The following PLXDC1 variants were observed in gnomAD, a reference collection of about 807,000 sequenced individuals.
PLXDC1 encodes plexin domain containing 1.
PLXDC1 carries 39 observed loss-of-function variants against 61.3 expected under a neutral mutation model. The observed-to-expected ratio is 0.64, with a 90% CI of 0.49 to 0.83. The LOEUF is 0.83. PLXDC1 is among the 40% of genes least tolerant of loss of function. The probability of loss-of-function intolerance (pLI) is 0.00; values close to 1 mark genes in which losing one functional copy is unlikely to be tolerated. For missense variants in PLXDC1, 596 were observed against 666.5 expected, an observed-to-expected ratio of 0.89 and a Z score of 1.17; for synonymous variants, 212 against 254.5, an observed-to-expected ratio of 0.83 and a Z score of 1.59.
intron 6 of PLXDC1, among the ~76,000 whole-genome samples, chr17:39,106,646 TTCTTTC>T (rs1238616677): frequency 3.3e-4 from 43 of 128,924 alleles, no homozygotes; most frequent in African/African-American, 1.4e-3. Flanking sequence ...TTTTTTCTTT[TTCTTTC>T]TTTTTTTTTT....
chr17:39,092,964 C>G (rs761213911), intron 7 of PLXDC1, among the ~76,000 whole-genome samples: 3 of 152,216 alleles, frequency 2.0e-5, no homozygotes, highest in Non-Finnish European at 4.4e-5. Flanking sequence ...TCAGTTGCCT[C>G]TCACCCAGCT....
At chr17:39,138,999 G>A (rs1228176522) in intron 2 of PLXDC1, among the ~76,000 whole-genome samples, 1 of 151,932 alleles carries the variant, frequency 6.6e-6, no homozygotes, top group African/African-American at 2.4e-5. Context: ...CAGCGTCCAT[G>A]ACACACACAC....
rs375508586 is a variant in PLXDC1 at position 39,083,515 on chromosome 17, G to A, written c.933C>T (p.Asp311=). Reference sequence around the variant, plus strand: ...AGGTCAGGTCTGAGGACATGCAGGCGTCACAGCTCCTATGCTGCAGGCAGG... The same window carrying A: ...AGGTCAGGTCTGAGGACATGCAGGCATCACAGCTCCTATGCTGCAGGCAGG... ...LPTCLQHRSC[D]ACMSSDLTFN... The change falls in exon 9 of 14, where the codon GAC becomes GAT. Residue 311 remains aspartate, a synonymous_variant. Coordinates refer to ENST00000315392, the MANE Select transcript of PLXDC1 (RefSeq NM_020405.5). The A allele has an allele frequency of 9.0e-5, 146 of 1,613,320 alleles. No individual in the cohort carries two copies. The highest frequency in any genetic ancestry group is 3.3e-4 in the Middle Eastern group (2 of 6,064).
Position 39,095,381 on chromosome 17 carries a change from A to ACCCCC in PLXDC1, c.812-7684_812-7680dup, listed in dbSNP as rs1365217059. On this transcript the variant is annotated intron_variant, in intron 7 of 13. Transcript: ENST00000315392. Reference sequence around the variant, plus strand: ...CCTTACGCCCCGCCCCCCCCCCCCAACCCCCCAAGCCTGGGTTATTTGTTT... The same window carrying ACCCCC: ...CCTTACGCCCCGCCCCCCCCCCCCAACCCCCCCCCCCAAGCCTGGGTTATTTGTTT... Among the ~76,000 whole-genome samples, 6 of 4,248 alleles carry ACCCCC rather than the reference A, an allele frequency of 1.4e-3. 1 individual carries two copies. Among genetic ancestry groups the ACCCCC allele is most frequent in the East Asian group, 0.013 (1 of 80 alleles). The allele number at this position is 4,248 out of a possible 152,430, so 2.8% of individuals were successfully genotyped here.
intron 2 of PLXDC1, 40 bp downstream of exon 2, chr17:39,139,613 AC>A: frequency 5.0e-6 from 4 of 796,854 alleles, no homozygotes; most frequent in Non-Finnish European, 7.7e-6. Context: ...GACCTCCCCC[AC>A]CCCCACTTCG....
chr17:39,140,279 A>G (rs1018528208), intron 1 of PLXDC1, among the ~76,000 whole-genome samples: 2 of 152,066 alleles, frequency 1.3e-5, no homozygotes, highest in Non-Finnish European at 2.9e-5. Flanking sequence ...TAACTGGTCT[A>G]TGGTGTAGCC....
intron 2 of PLXDC1, among the ~76,000 whole-genome samples, chr17:39,134,663 AAAAG>A (rs926321635): frequency 2.0e-5 from 3 of 151,898 alleles, no homozygotes; most frequent in African/African-American, 2.4e-5. Flanking sequence ...CAAAGAAAAG[AAAAG>A]AAAGAAAGAA....
At position 39,126,051 on chromosome 17, in the gene PLXDC1, C is replaced by T. The variant is rs185527477; in HGVS notation, c.255+13603G>A. 2.6e-3 allele frequency among the ~76,000 whole-genome samples: 403 copies of T among 152,144 alleles called. 9 individuals carry two copies. In the East Asian group the frequency reaches 0.04, roughly 15 times the overall value. On this transcript the variant is annotated intron_variant, in intron 2 of 13. Transcript: ENST00000315392. ...GGCGGATCATCTGAGGTCAGGAGTTCGAGACCAGCCTGGCCAACATAGTGA... is the reference window on the plus strand; with the variant it reads ...GGCGGATCATCTGAGGTCAGGAGTTTGAGACCAGCCTGGCCAACATAGTGA...
intron 7 of PLXDC1, 134 bp from the exon 8 acceptor site, chr17:39,087,836 T>C (rs1346456949): frequency 7.6e-6 from 5 of 660,526 alleles, no homozygotes; most frequent in African/African-American, 3.5e-5. Context: ...GGGACAATGA[T>C]GTTGGCGCTG....
chr17:39,138,190 C>G (rs1220049396), intron 2 of PLXDC1, among the ~76,000 whole-genome samples: 1 of 152,134 alleles, frequency 6.6e-6, no homozygotes, highest in East Asian at 1.9e-4. Context: ...CCCGTCTGGG[C>G]CTCCCAAAGT....
Position 39,104,693 on chromosome 17 carries a change from AG to A in PLXDC1, c.811+1160del, listed in dbSNP as rs532218138. On this transcript the variant is annotated intron_variant, in intron 7 of 13. Transcript: ENST00000315392. ...CAGCTACTCGGGAGGCTGAGGTGGGAGGATCACTTGAACCTGGGAGGTGGAG... is the reference window on the plus strand; with the variant it reads ...CAGCTACTCGGGAGGCTGAGGTGGGAGATCACTTGAACCTGGGAGGTGGAG... Among the ~76,000 whole-genome samples the A allele has an allele frequency of 1.3e-4, 20 of 152,190 alleles. No homozygotes were observed. In the East Asian group the frequency reaches 3.9e-3, roughly 29 times the overall value.
chr17:39,129,979 T>C (rs751375898), intron 2 of PLXDC1, among the ~76,000 whole-genome samples: 3 of 152,202 alleles, frequency 2.0e-5, no homozygotes, highest in Non-Finnish European at 4.4e-5. Context: ...GAAAATATTA[T>C]GCTAAGTGAA....
chr17:39,122,038 C>T (rs936565253), intron 2 of PLXDC1, among the ~76,000 whole-genome samples: 2 of 135,232 alleles, frequency 1.5e-5, no homozygotes, highest in African/African-American at 5.6e-5. Flanking sequence ...TGGAGGTTGT[C>T]GTGAGCTGAG....
chr17:39,081,705 G>A (rs1328471720), intron 9 of PLXDC1, among the ~76,000 whole-genome samples: 6 of 152,042 alleles, frequency 3.9e-5, no homozygotes, highest in Admixed American at 3.9e-4. Context: ...CATTTTGGGA[G>A]GCCGAGGAGG....
chr17:39,138,557 A>G (rs2143929324), intron 2 of PLXDC1, among the ~76,000 whole-genome samples: 1 of 152,280 alleles, frequency 6.6e-6, no homozygotes, highest in South Asian at 2.1e-4. Flanking sequence ...AAACCAGTGC[A>G]CAGAGAGGTA....
At chr17:39,102,379 C>T (rs984779331) in intron 7 of PLXDC1, among the ~76,000 whole-genome samples, 7 of 152,070 alleles carry the variant, frequency 4.6e-5, no homozygotes, top group Non-Finnish European at 5.9e-5. Context: ...CCAGAGTCTC[C>T]GTGGAACCCA....
intron 7 of PLXDC1, among the ~76,000 whole-genome samples, chr17:39,097,714 T>TAATAAATAAATA (rs147959612): frequency 5.5e-5 from 8 of 145,964 alleles, no homozygotes; most frequent in East Asian, 4.0e-4. Flanking sequence ...TCTTTACAAA[T>TAATAAATAAATA]AATAAATAAA....
intron 1 of PLXDC1, among the ~76,000 whole-genome samples, chr17:39,142,172 C>A (rs77095440): frequency 0.021 from 3,229 of 152,210 alleles, 112 homozygotes; most frequent in African/African-American, 0.074. Context: ...GCCAAATATC[C>A]CCTGGGGAAT....
At chr17:39,115,756 G>T (rs532020718) in intron 2 of PLXDC1, among the ~76,000 whole-genome samples, 1 of 152,164 alleles carries the variant, frequency 6.6e-6, no homozygotes, top group South Asian at 2.1e-4. Context: ...GTTACTGCAG[G>T]GCAACCCTAG....
Sources: allele counts gnomAD v4.1 joint callset (sites outside exome capture counted in the v4.1 genomes callset), GRCh38; gene constraint gnomAD v4.1.1; transcripts MANE v1.5; gene names NCBI Gene and HGNC (gene_info 2026-07-23, HGNC 2026-07-21).